The following OTUD7A variants were observed in gnomAD, a reference collection of about 807,000 sequenced individuals.
OTUD7A encodes OTU domain-containing protein 7A.
Under a neutral mutation model 65.7 loss-of-function variants are expected in OTUD7A, and 12 were observed. The observed-to-expected ratio is 0.18, with a 90% confidence interval of 0.12 to 0.30. The LOEUF (loss-of-function observed/expected upper bound fraction) is 0.30. Ranked by LOEUF, OTUD7A falls within the 10% of genes least tolerant of loss-of-function variation. The pLI is 1.00. For missense variants in OTUD7A, 1,148 were observed against 1,304.8 expected, an observed-to-expected ratio of 0.88 and a Z score of 1.85; for synonymous variants, 641 against 586.3, an observed-to-expected ratio of 1.09 and a Z score of -1.35.
At chr15:31,774,176 A>G (rs1170158028) in intron 1 of OTUD7A, among the ~76,000 whole-genome samples, 1 of 152,198 alleles carries the variant, frequency 6.6e-6, no homozygotes, top group East Asian at 1.9e-4. Flanking sequence ...ACGGCTGCTC[A>G]ATGGTTTCCT....
At chr15:31,581,321 A>G (rs1048720989) in intron 3 of OTUD7A, among the ~76,000 whole-genome samples, 18 of 152,204 alleles carry the variant, frequency 1.2e-4, no homozygotes, top group African/African-American at 4.3e-4. Context: ...CCAGGTGCAC[A>G]GTGCAAGCTG....
rs533024517 is a variant in OTUD7A, at chr15:31,627,942, GTTTT to G, written c.151+27150_151+27153del. ...CACCCACTTGTTGATGGGGTTGTTT[GTTTT>G]TTTTCTTTTAAATTTGTTTGAGTTC... On this transcript the variant is annotated intron_variant, in intron 3 of 12. Coordinates refer to ENST00000307050, the MANE Select transcript of OTUD7A (RefSeq NM_001382637.1). 5.2e-3 allele frequency among the ~76,000 whole-genome samples: 788 copies of G among 151,824 alleles called. 7 individuals carry two copies. Among genetic ancestry groups the G allele is most frequent in the African/African-American group, 0.018 (759 of 41,384 alleles).
In OTUD7A at chr15:31,679,324, G is replaced by A. The variant is rs1422685849; in HGVS notation, c.-99-22247C>T. 4.6e-5 allele frequency among the ~76,000 whole-genome samples: 7 copies of A among 152,204 alleles called. No homozygotes were observed. In the East Asian group the frequency reaches 1.3e-3, roughly 29 times the overall value. On this transcript the variant is annotated intron_variant, in intron 1 of 12. Transcript: ENST00000307050. The stretch of plus-strand genomic sequence containing the variant: ...TGCTGGAATAAGTTAAGACTTTGGG[G>A]GACTGTTGGAAAGGCATGACTGTGT...
chr15:31,483,200 TTCCGGTGGACCAGG>T lies in OTUD7A; in HGVS notation c.*80_*93del. The stretch of plus-strand genomic sequence containing the variant: ...GGCACTGACAGAGGAGGCGCCGGCC[TTCCGGTGGACCAGG>T]GCATGTAAAAAAGACACCGACACAA... On this transcript the variant is annotated 3_prime_UTR_variant, in exon 13 of 13. Transcript: ENST00000307050. 9.8e-7 allele frequency: 1 copy of T among 1,024,130 alleles called. No homozygotes were observed. The highest frequency in any genetic ancestry group is 1.2e-6 in the Non-Finnish European group (1 of 853,992). 63.4% of individuals were successfully genotyped at this position (1,024,130 alleles called of 1,614,324 possible).
intron 3 of OTUD7A, among the ~76,000 whole-genome samples, chr15:31,640,965 CTCTTA>C: frequency 6.6e-6 from 1 of 152,184 alleles, no homozygotes; most frequent in Non-Finnish European, 1.5e-5. Context: ...GATTACTGTA[CTCTTA>C]TGAGTTTTAA....
intron 1 of OTUD7A, among the ~76,000 whole-genome samples, chr15:31,673,202 A>G (rs1892523759): frequency 1.3e-5 from 2 of 152,224 alleles, no homozygotes; most frequent in Non-Finnish European, 1.5e-5. Context: ...TGATGGGGTA[A>G]CCTCCCAAGA....
intron 3 of OTUD7A, among the ~76,000 whole-genome samples, chr15:31,613,487 G>T (rs184338728): frequency 1.1e-4 from 17 of 152,152 alleles, no homozygotes; most frequent in Admixed American, 1.1e-3. Flanking sequence ...AGTGGGCTAA[G>T]GACATGAACA....
intron 1 of OTUD7A, among the ~76,000 whole-genome samples, chr15:31,826,483 G>A (rs1482718374): frequency 4.6e-5 from 7 of 152,298 alleles, no homozygotes; most frequent in East Asian, 3.9e-4. Flanking sequence ...CCCAGCCCAC[G>A]AAACCACTTT....
At position 31,495,041 on chromosome 15, in the gene OTUD7A, G is replaced by A. The variant is rs182509246; in HGVS notation, c.1171+6649C>T. Among the ~76,000 whole-genome samples, 6 of 152,306 alleles carry A rather than the reference G, an allele frequency of 3.9e-5. No homozygotes were observed. In the East Asian group the frequency reaches 1.2e-3, roughly 29 times the overall value. On this transcript the variant is annotated intron_variant, in intron 10 of 12. Coordinates refer to ENST00000307050, the MANE Select transcript of OTUD7A (RefSeq NM_001382637.1). ...CTGTGGGCATGGACGTCTTGGGGAGGTCTGGTGGGGGATCCAGGTGTCTGT... is the reference window on the plus strand; with the variant it reads ...CTGTGGGCATGGACGTCTTGGGGAGATCTGGTGGGGGATCCAGGTGTCTGT...
intron 1 of OTUD7A, among the ~76,000 whole-genome samples, chr15:31,823,793 G>A (rs1457394293): frequency 2.0e-5 from 3 of 152,138 alleles, no homozygotes; most frequent in African/African-American, 7.2e-5. Flanking sequence ...GCCTGGTCAC[G>A]AGCCCTCAGC....
At chr15:31,496,963 G>T (rs998599491) in intron 10 of OTUD7A, among the ~76,000 whole-genome samples, 2 of 152,086 alleles carry the variant, frequency 1.3e-5, no homozygotes, top group Admixed American at 1.3e-4. Flanking sequence ...CCCAATAAAG[G>T]GATGGCCAAC....
chr15:31,578,556 C>CTTT (rs33982900), intron 3 of OTUD7A, among the ~76,000 whole-genome samples: 11 of 146,426 alleles, frequency 7.5e-5, no homozygotes, highest in African/African-American at 2.3e-4. Context: ...AACCAATGTC[C>CTTT]TTTTTTTTTT....
chr15:31,639,933 T>C (rs1179998430), intron 3 of OTUD7A, among the ~76,000 whole-genome samples: 8 of 152,358 alleles, frequency 5.3e-5, no homozygotes, highest in African/African-American at 1.9e-4. Context: ...AGATATATGA[T>C]TTGCAGTATT....
At chr15:31,860,627 ATATATAT>A in intron 1 of OTUD7A, among the ~76,000 whole-genome samples, 1 of 107,020 alleles carries the variant, frequency 9.3e-6, no homozygotes, top group Non-Finnish European at 1.9e-5. Context: ...GTGGAGATAT[ATATATAT>A]ATATATATAT....
At chr15:31,829,857 G>C (rs1357116480) in intron 1 of OTUD7A, among the ~76,000 whole-genome samples, 2 of 152,146 alleles carry the variant, frequency 1.3e-5, no homozygotes, top group Non-Finnish European at 2.9e-5. Context: ...CCTAAGAGTT[G>C]GAAACACTTC....
intron 1 of OTUD7A, among the ~76,000 whole-genome samples, chr15:31,770,769 T>C (rs1033378594): frequency 5.3e-5 from 8 of 152,204 alleles, no homozygotes; most frequent in Non-Finnish European, 1.2e-4. Flanking sequence ...AATAATGATA[T>C]TATGTTAACA....
At chr15:31,718,416 C>T (rs1893650073) in intron 1 of OTUD7A, among the ~76,000 whole-genome samples, 1 of 152,028 alleles carries the variant, frequency 6.6e-6, no homozygotes, top group Non-Finnish European at 1.5e-5. Flanking sequence ...TTCCCTTCTC[C>T]CCCATTTATT....
At chr15:31,569,240 T>C (rs932264840) in intron 4 of OTUD7A, among the ~76,000 whole-genome samples, 3 of 152,220 alleles carry the variant, frequency 2.0e-5, no homozygotes, top group Admixed American at 6.5e-5. Context: ...GGTATAAAGA[T>C]GTTTCTTTCA....
intron 5 of OTUD7A, among the ~76,000 whole-genome samples, chr15:31,544,412 T>C (rs77001258): frequency 0.04 from 6,027 of 151,426 alleles, 248 homozygotes; most frequent in African/African-American, 0.1. Context: ...ATAAGAGGTA[T>C]AGAGGGAAGG....
Sources: gnomAD v4.1 joint callset for allele counts (sites outside exome capture counted in the v4.1 genomes callset) on GRCh38, gnomAD v4.1.1 for gene constraint, MANE v1.5 for transcripts, NCBI Gene and HGNC (gene_info 2026-07-23, HGNC 2026-07-21) for gene names.